Variants in FAM135B observed in about 807,000 individuals in gnomAD.
FAM135B encodes the protein family with sequence similarity 135 member B, also known as protein FAM135B.
In FAM135B, 43 loss-of-function variants were observed where a neutral mutation model predicts 127.7. That is an observed-to-expected ratio of 0.34 (90% CI 0.26 to 0.43). The LOEUF is 0.43. FAM135B is among the 20% of genes least tolerant of loss of function. The pLI, the probability that FAM135B is intolerant of heterozygous loss-of-function variation, is 1.00. For synonymous variants in FAM135B, 670 were observed against 665.1 expected (o/e 1.01, Z -0.11); for missense variants, 1,558 against 1,725.6 (o/e 0.90, Z 1.72).
At chr8:138,488,915 T>G (rs1248191400) in intron 1 of FAM135B, among the ~76,000 whole-genome samples, 1 of 152,210 alleles carries the variant, frequency 6.6e-6, no homozygotes, top group Non-Finnish European at 1.5e-5. Context: ...TCCGCCCGCC[T>G]CAGCCTCCCA....
intron 1 of FAM135B, among the ~76,000 whole-genome samples, chr8:138,375,356 T>G (rs562293627): frequency 6.6e-6 from 1 of 152,326 alleles, no homozygotes; most frequent in South Asian, 2.1e-4. Flanking sequence ...GCACCTGGAA[T>G]GGAGCCTCTA....
At position 138,241,672 on chromosome 8, in the gene FAM135B, A is replaced by G. The variant is rs1217925743; in HGVS notation, c.669+1270T>C. On this transcript the variant is annotated intron_variant, in intron 7 of 19. Transcript: ENST00000395297. The surrounding 1 kb of genome is among the most constrained non-coding windows in gnomAD (Gnocchi z 4.8). ...ACCTCTTTTGCGGGGCTGACTGGGC[A>G]TGGACAGTTTATCACACTTATAATG... 6.6e-6 allele frequency among the ~76,000 whole-genome samples: 1 copy of G among 152,198 alleles called. No homozygotes were observed. The highest frequency in any genetic ancestry group is 1.5e-5 in the Non-Finnish European group (1 of 68,032).
At chr8:138,345,713 G>A (rs34625086) in intron 2 of FAM135B, among the ~76,000 whole-genome samples, 64,151 of 152,106 alleles carry the variant, frequency 0.42, 14,102 homozygotes, top group East Asian at 0.65. Flanking sequence ...ACTGAGAGGA[G>A]GGGAGAGTAT....
At chr8:138,474,323 A>G (rs1814271396) in intron 1 of FAM135B, among the ~76,000 whole-genome samples, 1 of 152,084 alleles carries the variant, frequency 6.6e-6, no homozygotes, top group Non-Finnish European at 1.5e-5. Flanking sequence ...CAAATTATGT[A>G]CTCTCTGAGC....
chr8:138,307,669 G>T (rs921040534), intron 3 of FAM135B, among the ~76,000 whole-genome samples: 5 of 148,002 alleles, frequency 3.4e-5, no homozygotes, highest in Non-Finnish European at 5.9e-5. Flanking sequence ...TAGGGGCTTT[G>T]TCATCATGTC....
At chr8:138,481,171 A>G (rs1814764915) in intron 1 of FAM135B, among the ~76,000 whole-genome samples, 1 of 152,252 alleles carries the variant, frequency 6.6e-6, no homozygotes, top group Non-Finnish European at 1.5e-5. Flanking sequence ...TATAGACTTG[A>G]TTAAATTTCA....
At chr8:138,201,382 C>T (rs2131167232) in intron 7 of FAM135B, among the ~76,000 whole-genome samples, 1 of 152,078 alleles carries the variant, frequency 6.6e-6, no homozygotes, top group East Asian at 1.9e-4. Flanking sequence ...AAGGCTGATT[C>T]AGCATGATTA....
At chr8:138,370,869 T>C (rs1033119994) in intron 1 of FAM135B, among the ~76,000 whole-genome samples, 12 of 152,200 alleles carry the variant, frequency 7.9e-5, no homozygotes, top group Non-Finnish European at 8.8e-5. Context: ...TCTCTTTCCA[T>C]CTGAAGATTA....
rs1554676451 is a variant in FAM135B at position 138,367,887 on chromosome 8, A to ACACAC, written c.77+19_77+20insGTGTG. The ACACAC allele has an allele frequency of 3.7e-5, 59 of 1,573,354 alleles. No homozygotes were observed. The highest frequency in any genetic ancestry group is 1.2e-4 in the Admixed American group (7 of 59,928). On this transcript the variant is annotated intron_variant, in intron 2 of 19. Transcript: ENST00000395297. ...CACACACACACACACACACACACAC[A>ACACAC]AATTGTAAAGCATACTTACCCTCTC...
At chr8:138,444,157 C>G (rs1835967522) in intron 1 of FAM135B, among the ~76,000 whole-genome samples, 1 of 152,100 alleles carries the variant, frequency 6.6e-6, no homozygotes, top group African/African-American at 2.4e-5. Flanking sequence ...AAAGCAAGTC[C>G]TTAGAGACCT....
At chr8:138,236,389 C>T in intron 7 of FAM135B, among the ~76,000 whole-genome samples, 1 of 140,888 alleles carries the variant, frequency 7.1e-6, no homozygotes, top group East Asian at 2.0e-4. Context: ...GGATAAAGAA[C>T]ACACACACAT....
Position 138,344,577 on chromosome 8 carries a change from C to T in FAM135B, c.77+23330G>A, listed in dbSNP as rs28397951. Among the ~76,000 whole-genome samples, 536 of 83,856 alleles carry T rather than the reference C, an allele frequency of 6.4e-3. 7 individuals are homozygous for T. Among genetic ancestry groups the T allele is most frequent in the East Asian group, 0.031 (111 of 3,630 alleles). The allele number at this position is 83,856 out of a possible 152,430, so 55.0% of individuals were successfully genotyped here. A position where few individuals can be genotyped will look rare whatever the true frequency, so the allele number is the denominator to read the frequency against. ...GTCTCTTGCTACACTTTCTTTCTTT[C>T]TTTTTTTTTTTTTTTTGTTAAGGAG... On this transcript the variant is annotated intron_variant, in intron 2 of 19. Transcript: ENST00000395297.
chr8:138,254,544 A>G (rs780133646), intron 5 of FAM135B, among the ~76,000 whole-genome samples: 7 of 152,226 alleles, frequency 4.6e-5, no homozygotes, highest in Non-Finnish European at 8.8e-5. Context: ...ATAGGAGCAC[A>G]ATAAAGTCAG....
chr8:138,454,160 T>C (rs967708766), intron 1 of FAM135B, among the ~76,000 whole-genome samples: 1 of 146,104 alleles, frequency 6.8e-6, no homozygotes, highest in South Asian at 2.2e-4. Flanking sequence ...CTTTTAAAAT[T>C]AAAAAAAAAA....
chr8:138,146,726 A>C (rs1351069515), intron 14 of FAM135B, among the ~76,000 whole-genome samples: 5 of 152,198 alleles, frequency 3.3e-5, no homozygotes, highest in Admixed American at 3.3e-4. Flanking sequence ...ACTACGACAG[A>C]ATAAGGTTTA....
chr8:138,415,125 T>C (rs1036618368), intron 1 of FAM135B, among the ~76,000 whole-genome samples: 1 of 152,204 alleles, frequency 6.6e-6, no homozygotes, highest in Non-Finnish European at 1.5e-5. Flanking sequence ...ACTCCAATAC[T>C]ATAGCTCTCT....
chr8:138,449,749 T>A (rs1484920381), intron 1 of FAM135B, among the ~76,000 whole-genome samples: 2 of 152,028 alleles, frequency 1.3e-5, no homozygotes, highest in Non-Finnish European at 2.9e-5. Context: ...CATTAGAACA[T>A]CCCCCATTAT....
intron 3 of FAM135B, among the ~76,000 whole-genome samples, chr8:138,308,417 C>T (rs77668352): frequency 2.8e-4 from 43 of 152,260 alleles, no homozygotes; most frequent in East Asian, 2.7e-3. Context: ...CATAATGCAG[C>T]GGTCTCTAAC....
At chr8:138,445,484 C>T (rs1836085161) in intron 1 of FAM135B, among the ~76,000 whole-genome samples, 1 of 152,164 alleles carries the variant, frequency 6.6e-6, no homozygotes, top group African/African-American at 2.4e-5. Flanking sequence ...CCCTGGGATG[C>T]AAGGCTGGTT....
Sources: gnomAD v4.1 joint callset for allele counts (sites outside exome capture counted in the v4.1 genomes callset) on GRCh38, gnomAD v4.1.1 for gene constraint, Gnocchi (gnomAD v3.1) non-coding constraint, MANE v1.5 for transcripts, NCBI Gene and HGNC (gene_info 2026-07-23, HGNC 2026-07-21) for gene names.